Variants in RALYL observed in about 807,000 individuals in gnomAD.
The protein encoded by RALYL is RNA-binding Raly-like protein.
A neutral mutation model predicts 35.1 loss-of-function variants in RALYL; 29 were observed. That is an observed-to-expected ratio of 0.83 (90% CI 0.61 to 1.13). The LOEUF (loss-of-function observed/expected upper bound fraction) is 1.13. RALYL is among the 50% of genes most tolerant of loss of function. RALYL has a pLI of 0.00. For synonymous variants in RALYL, 120 were observed against 127.6 expected, an observed-to-expected ratio of 0.94 and a Z score of 0.40; for missense variants, 359 against 360.4, an observed-to-expected ratio of 1.00 and a Z score of 0.03.
chr8:84,346,479 C>CT (rs1200675447), intron 1 of RALYL, among the ~76,000 whole-genome samples: 2 of 151,940 alleles, frequency 1.3e-5, no homozygotes, highest in Admixed American at 6.6e-5. Context: ...TTCTAATGCT[C>CT]TTTTTTTGAG....
chr8:84,696,625 C>A (rs925756211), intron 2 of RALYL, among the ~76,000 whole-genome samples: 1 of 151,172 alleles, frequency 6.6e-6, no homozygotes, highest in African/African-American at 2.5e-5. Flanking sequence ...AAAAATAATA[C>A]AAGATTTTGT....
intron 3 of RALYL, among the ~76,000 whole-genome samples, chr8:84,797,096 G>A (rs988774171): frequency 5.3e-5 from 8 of 152,196 alleles, no homozygotes; most frequent in East Asian, 1.9e-4. Context: ...AGACTGAGAA[G>A]TCCAAAATCA....
intron 2 of RALYL, among the ~76,000 whole-genome samples, chr8:84,570,888 G>T (rs1807806190): frequency 1.3e-5 from 2 of 151,678 alleles, no homozygotes; most frequent in African/African-American, 4.8e-5. Flanking sequence ...CAAATTTATT[G>T]ATTTGCATAT....
At chr8:84,185,147 G>T in intron 1 of RALYL, 2 of 893,254 alleles carry the variant, frequency 2.2e-6, no homozygotes, top group South Asian at 1.4e-5. Flanking sequence ...CCAGGGGATG[G>T]GGAAATAGTT....
intron 8 of RALYL, among the ~76,000 whole-genome samples, chr8:84,914,871 G>C (rs573159508): frequency 1.3e-5 from 2 of 152,050 alleles, no homozygotes; most frequent in Admixed American, 6.6e-5. Context: ...CTAATTATGA[G>C]GGTATGTATT....
chr8:84,374,309 C>T (rs1351199972), intron 1 of RALYL, among the ~76,000 whole-genome samples: 6 of 151,912 alleles, frequency 3.9e-5, no homozygotes, highest in African/African-American at 1.2e-4. Flanking sequence ...ATGCTTCCAG[C>T]TTTTCCCCAT....
intron 2 of RALYL, among the ~76,000 whole-genome samples, chr8:84,655,987 A>G (rs1352248584): frequency 2.6e-5 from 4 of 152,158 alleles, no homozygotes; most frequent in Non-Finnish European, 5.9e-5. Flanking sequence ...TATGGCATAT[A>G]TCTCACCACA....
At chr8:84,739,860 A>C (rs896570530) in intron 2 of RALYL, among the ~76,000 whole-genome samples, 2 of 151,938 alleles carry the variant, frequency 1.3e-5, no homozygotes, top group Non-Finnish European at 2.9e-5. Context: ...GAACACCTTA[A>C]AAAGAGTGAA....
chr8:84,649,534 G>A (rs1364533381), intron 2 of RALYL, among the ~76,000 whole-genome samples: 1 of 152,002 alleles, frequency 6.6e-6, no homozygotes, highest in Non-Finnish European at 1.5e-5. Context: ...TTATTAAATA[G>A]GGAATCCTTT....
chr8:84,220,175 A>G (rs556928725), intron 1 of RALYL, among the ~76,000 whole-genome samples: 2 of 152,078 alleles, frequency 1.3e-5, no homozygotes, highest in East Asian at 3.8e-4. Flanking sequence ...AAAATTTTGT[A>G]TTACTAAGTT....
intron 2 of RALYL, among the ~76,000 whole-genome samples, chr8:84,585,092 C>A (rs1040682013): frequency 2.6e-5 from 4 of 152,182 alleles, no homozygotes; most frequent in African/African-American, 9.7e-5. Context: ...CTTCTCCCAG[C>A]ATATGTGCTT....
intron 1 of RALYL, among the ~76,000 whole-genome samples, chr8:84,391,853 C>T (rs73300751): frequency 0.028 from 4,300 of 152,124 alleles, 198 homozygotes; most frequent in African/African-American, 0.098. Flanking sequence ...TCCCAACAAA[C>T]AGTGACTTCT....
At chr8:84,319,979 T>A (rs7000749) in intron 1 of RALYL, among the ~76,000 whole-genome samples, 2,877 of 152,196 alleles carry the variant, frequency 0.019, 72 homozygotes, top group African/African-American at 0.065. Context: ...ACACTTAAAA[T>A]ACATAAATGG....
chr8:84,889,661 G>A (rs1843488504), intron 8 of RALYL, among the ~76,000 whole-genome samples: 1 of 152,140 alleles, frequency 6.6e-6, no homozygotes, highest in Non-Finnish European at 1.5e-5. Flanking sequence ...TGGGACTCTA[G>A]AGTCAAATGT....
intron 2 of RALYL, among the ~76,000 whole-genome samples, chr8:84,720,852 G>A (rs1307807154): frequency 1.3e-5 from 2 of 151,910 alleles, no homozygotes; most frequent in Admixed American, 1.3e-4. Context: ...CTCTCAAAAA[G>A]AGACATACAA....
chr8:84,481,329 G>A (rs2054015882), intron 1 of RALYL, among the ~76,000 whole-genome samples: 1 of 152,022 alleles, frequency 6.6e-6, no homozygotes, highest in Non-Finnish European at 1.5e-5. Context: ...TGAGTATTTT[G>A]TTGCTGTTGT....
intron 1 of RALYL, among the ~76,000 whole-genome samples, chr8:84,305,513 G>A (rs1451603452): frequency 2.6e-5 from 4 of 152,140 alleles, no homozygotes; most frequent in Admixed American, 6.5e-5. Context: ...TGTGAGAAAA[G>A]GGAACAAATT....
chr8:84,277,944 C>A (rs557912278), intron 1 of RALYL, among the ~76,000 whole-genome samples: 3 of 152,308 alleles, frequency 2.0e-5, no homozygotes, highest in South Asian at 2.1e-4. Context: ...GTGCAAGCTG[C>A]CAGTGGATTT....
chr8:84,523,601 G>T (rs2058648810), intron 1 of RALYL, among the ~76,000 whole-genome samples: 1 of 151,084 alleles, frequency 6.6e-6, no homozygotes, highest in Admixed American at 6.6e-5. Flanking sequence ...TGCCATGCTG[G>T]TGTGCTGCAC....
Sources: gnomAD v4.1 joint callset for allele counts (sites outside exome capture counted in the v4.1 genomes callset) on GRCh38, gnomAD v4.1.1 for gene constraint, MANE v1.5 for transcripts, NCBI Gene and HGNC (gene_info 2026-07-23, HGNC 2026-07-21) for gene names.